Variants in PAFAH1B2 observed in about 807,000 individuals in gnomAD.
PAFAH1B2 encodes platelet-activating factor acetylhydrolase IB subunit alpha2.
Under a neutral mutation model 28.0 loss-of-function variants are expected in PAFAH1B2, and 8 were observed. The observed-to-expected ratio is 0.29, with a 90% confidence interval of 0.17 to 0.52. PAFAH1B2 has a LOEUF of 0.52. Ranked by LOEUF, PAFAH1B2 falls within the 20% of genes least tolerant of loss-of-function variation. PAFAH1B2 has a pLI of 0.97. For missense variants in PAFAH1B2, 190 were observed against 282.6 expected (o/e 0.67, Z 2.35); for synonymous variants, 104 against 103.2 (o/e 1.01, Z -0.05).
At chr11:117,174,825 G>A (rs549461569), downstream of PAFAH1B2, 86 of 979,596 alleles carry the variant, frequency 8.8e-5, 1 homozygote, top group South Asian at 1.3e-3. Context: ...ATGTTGGCCA[G>A]GCTGGTCTCA....
Position 117,168,633 on chromosome 11 carries a change from G to A in PAFAH1B2, c.*934G>A, listed in dbSNP as rs558400011. 9 of 1,062,046 alleles carry A rather than the reference G, an allele frequency of 8.5e-6. No homozygotes were observed. Among genetic ancestry groups the A allele is most frequent in the East Asian group, 5.0e-5 (1 of 19,818 alleles). The allele number at this position is 1,062,046 out of a possible 1,614,324, so 65.8% of individuals were successfully genotyped here. A position where few individuals can be genotyped will look rare whatever the true frequency, so the allele number is the denominator to read the frequency against. On this transcript the variant is annotated 3_prime_UTR_variant, in exon 6 of 6. Coordinates refer to ENST00000527958, the MANE Select transcript of PAFAH1B2 (RefSeq NM_002572.4). The stretch of plus-strand genomic sequence containing the variant: ...ATTCTGTGTATTGCTGTTCATATTC[G>A]GAGTTCTGGTTTTGTTTTTCCCTTA...
chr11:117,144,398 C>T lies in PAFAH1B2; in HGVS notation c.-28C>T, dbSNP rs1293500651. The T allele has an allele frequency of 9.9e-6, 4 of 405,920 alleles. No homozygotes were observed. Among genetic ancestry groups the T allele is most frequent in the African/African-American group, 2.1e-5 (1 of 47,024 alleles). 25.1% of individuals were successfully genotyped at this position (405,920 alleles called of 1,614,324 possible). On this transcript the variant is annotated 5_prime_UTR_variant, in exon 1 of 6. Coordinates refer to ENST00000527958, the MANE Select transcript of PAFAH1B2 (RefSeq NM_002572.4). Reference sequence around the variant, plus strand: ...CGCCGACGCCTCAGCCGCTTGGGGCCCGCACGGACCCTCTACTTCAGTGAG... The same window carrying T: ...CGCCGACGCCTCAGCCGCTTGGGGCTCGCACGGACCCTCTACTTCAGTGAG...
chr11:117,174,605 A>G (rs184479538), downstream of PAFAH1B2, among the ~76,000 whole-genome samples: 1 of 152,142 alleles, frequency 6.6e-6, no homozygotes, highest in African/African-American at 2.4e-5. Flanking sequence ...CAGCCTCCGA[A>G]GTAGCCGGGA....
chr11:117,169,422 G>A lies in PAFAH1B2; in HGVS notation c.*1723G>A. 1 of 1,053,174 alleles carries A rather than the reference G, an allele frequency of 9.5e-7. No homozygotes were observed. Among genetic ancestry groups the A allele is most frequent in the Non-Finnish European group, 1.1e-6 (1 of 871,738 alleles). The allele number at this position is 1,053,174 out of a possible 1,614,324, so 65.2% of individuals were successfully genotyped here. ...GTAACCCATCAAAATATGCTCTGCA[G>A]TGATTCCGCTTAATGTTTAAATTCA... On this transcript the variant is annotated 3_prime_UTR_variant, in exon 6 of 6. Coordinates refer to ENST00000527958, the MANE Select transcript of PAFAH1B2 (RefSeq NM_002572.4).
chr11:117,145,789 C>A (rs1955989691), intron 1 of PAFAH1B2, among the ~76,000 whole-genome samples: 1 of 152,138 alleles, frequency 6.6e-6, no homozygotes. Flanking sequence ...ATTCTTGGTT[C>A]AACTTTCTTC....
intron 1 of PAFAH1B2, among the ~76,000 whole-genome samples, chr11:117,147,841 C>T (rs1297275743): frequency 1.3e-5 from 2 of 152,168 alleles, no homozygotes; most frequent in African/African-American, 4.8e-5. Context: ...TGTGACCTCC[C>T]AGTTCTTCCT....
rs1955941110 is a variant in PAFAH1B2 at position 117,144,378 on chromosome 11, A to G, written c.-48A>G. On this transcript the variant is annotated 5_prime_UTR_variant, in exon 1 of 6. Coordinates refer to ENST00000527958, the MANE Select transcript of PAFAH1B2 (RefSeq NM_002572.4). ...CGAGCGACCGACGCGCCACCCGCCG[A>G]CGCCTCAGCCGCTTGGGGCCCGCAC... 2.4e-6 allele frequency: 1 copy of G among 419,736 alleles called. No individual in the cohort carries two copies. 26.0% of individuals were successfully genotyped at this position (419,736 alleles called of 1,614,324 possible). A position where few individuals can be genotyped will look rare whatever the true frequency, so the allele number is the denominator to read the frequency against.
downstream of PAFAH1B2, chr11:117,176,034 T>G: frequency 1.0e-6 from 1 of 959,896 alleles, no homozygotes; most frequent in Non-Finnish European, 1.6e-6. Context: ...AAACCTCTTT[T>G]GCCATCCTGA....
chr11:117,175,838 G>A, downstream of PAFAH1B2: 4 of 1,414,248 alleles, frequency 2.8e-6, no homozygotes, highest in South Asian at 5.0e-5. Context: ...GGCTGTGGCA[G>A]ATCGCTTGAA....
chr11:117,161,348 T>G (rs1037594517), intron 4 of PAFAH1B2, 87 bp downstream of exon 4: 8 of 803,612 alleles, frequency 1.0e-5, no homozygotes, highest in Admixed American at 2.8e-5. Context: ...AAAAATTGCT[T>G]CTTTAAAGAC....
Position 117,167,731 on chromosome 11 carries a change from C to A in PAFAH1B2, c.*32C>A, listed in dbSNP as rs7938902. The A allele has an allele frequency of 6.2e-3, 9,273 of 1,487,732 alleles. 474 individuals carry two copies. The African/African-American group carries it at 0.11, about 18-fold the overall frequency. The allele number at this position is 1,487,732 out of a possible 1,614,324, so 92.2% of individuals were successfully genotyped here. A position where few individuals can be genotyped will look rare whatever the true frequency, so the allele number is the denominator to read the frequency against. On this transcript the variant is annotated 3_prime_UTR_variant, in exon 6 of 6. Coordinates refer to ENST00000527958, the MANE Select transcript of PAFAH1B2 (RefSeq NM_002572.4). The stretch of plus-strand genomic sequence containing the variant: ...CTTATCAGTGTTAATAGCATCTCAG[C>A]TTCCTCAGATCAGTTCTATCACTGG...
Position 117,165,116 on chromosome 11 carries a change from C to T in PAFAH1B2, c.411+1224C>T, listed in dbSNP as rs537470050. On this transcript the variant is annotated intron_variant, in intron 5 of 5. Coordinates refer to ENST00000527958, the MANE Select transcript of PAFAH1B2 (RefSeq NM_002572.4). ...GACTACAGGCGCCCGCCACCACACC[C>T]GGCTAATTTTTTGTATTTTTAGTAG... Among the ~76,000 whole-genome samples, 13 of 151,232 alleles carry T rather than the reference C, an allele frequency of 8.6e-5. 1 individual carries two copies. In the South Asian group the frequency reaches 2.3e-3, roughly 27 times the overall value.
chr11:117,150,444 C>T (rs959711665), intron 1 of PAFAH1B2, among the ~76,000 whole-genome samples: 2 of 151,594 alleles, frequency 1.3e-5, no homozygotes, highest in Non-Finnish European at 2.9e-5. Context: ...GCCACTGCAC[C>T]CAGCCGATGA....
At chr11:117,163,670 C>T in intron 4 of PAFAH1B2, 100 bp from the exon 5 acceptor site, 4 of 1,062,306 alleles carry the variant, frequency 3.8e-6, no homozygotes, top group East Asian at 5.1e-5. Context: ...GAGACCCCAT[C>T]TCAAAAAAAA....
chr11:117,148,762 TA>T (rs1442873506), intron 1 of PAFAH1B2, among the ~76,000 whole-genome samples: 1 of 152,122 alleles, frequency 6.6e-6, no homozygotes, highest in Non-Finnish European at 1.5e-5. Context: ...TCTCTTATAA[TA>T]ATAAAGAGAT....
At position 117,170,166 on chromosome 11, in the gene PAFAH1B2, G is replaced by A. The variant is rs764198674; in HGVS notation, c.*2467G>A. ...ATTTTTCTTTGACATCCTAGTTTGC[G>A]TCAGTGACAGAACTTACTGCTTAGT... On this transcript the variant is annotated 3_prime_UTR_variant, in exon 6 of 6. Transcript: ENST00000527958. 53 of 1,054,386 alleles carry A rather than the reference G, an allele frequency of 5.0e-5. No individual in the cohort carries two copies. The highest frequency in any genetic ancestry group is 1.8e-4 in the African/African-American group (11 of 60,336). 65.3% of individuals were successfully genotyped at this position (1,054,386 alleles called of 1,614,324 possible). A position where few individuals can be genotyped will look rare whatever the true frequency, so the allele number is the denominator to read the frequency against.
chr11:117,144,747 C>CGCCCTGCCCT (rs750096171), intron 1 of PAFAH1B2, among the ~76,000 whole-genome samples: 328 of 152,032 alleles, frequency 2.2e-3, no homozygotes, highest in South Asian at 6.4e-3. Flanking sequence ...CGCCCCGCCC[C>CGCCCTGCCCT]GCCCTGCCCT....
chr11:117,156,937 A>G (rs1018289896), intron 2 of PAFAH1B2, among the ~76,000 whole-genome samples: 1 of 151,538 alleles, frequency 6.6e-6, no homozygotes, highest in African/African-American at 2.4e-5. Flanking sequence ...CCCCAGCCTG[A>G]GCCTGGGAGG....
chr11:117,157,028 A>G (rs1956268745), intron 2 of PAFAH1B2, among the ~76,000 whole-genome samples: 1 of 145,930 alleles, frequency 6.9e-6, no homozygotes, highest in Non-Finnish European at 1.5e-5. Flanking sequence ...CTGTCTCAAA[A>G]TCTCAAAAAA....
Sources: allele counts gnomAD v4.1 joint callset (sites outside exome capture counted in the v4.1 genomes callset), GRCh38; gene constraint gnomAD v4.1.1; transcripts MANE v1.5; gene names NCBI Gene and HGNC (gene_info 2026-07-23, HGNC 2026-07-21).